Variants in CACNA1I observed in about 807,000 individuals in gnomAD.
CACNA1I encodes the protein calcium voltage-gated channel subunit alpha1 I.
Under a neutral mutation model 201.6 loss-of-function variants are expected in CACNA1I, and 74 were observed. That is an observed-to-expected ratio of 0.37 (90% CI 0.30 to 0.45). CACNA1I has a LOEUF of 0.45. Ranked by LOEUF, CACNA1I falls within the 20% of genes least tolerant of loss-of-function variation. The pLI is 1.00. For missense variants in CACNA1I, 2,346 were observed against 3,138.1 expected (o/e 0.75, Z 6.03); for synonymous variants, 1,431 against 1,345.2 (o/e 1.06, Z -1.40).
rs1323613574 is a variant in CACNA1I, at chr22:39,675,479, C to CAGCCTCCAGCAGG, written c.4854+1449_4854+1461dup. 8.5e-5 allele frequency among the ~76,000 whole-genome samples: 13 copies of CAGCCTCCAGCAGG among 152,288 alleles called. No homozygotes were observed. The East Asian group carries it at 2.3e-3, about 27-fold the overall frequency. ...GCACATGGAGATGTTCAGGACATCCCAGCCTCCAGCAGGAGACCCAAGGTA... is the reference window on the plus strand; with the variant it reads ...GCACATGGAGATGTTCAGGACATCCCAGCCTCCAGCAGGAGCCTCCAGCAGGAGACCCAAGGTA... On this transcript the variant is annotated intron_variant, in intron 29 of 36. Coordinates refer to ENST00000402142, the MANE Select transcript of CACNA1I (RefSeq NM_021096.4).
chr22:39,673,080 G>C lies in CACNA1I; in HGVS notation c.4781G>C (p.Arg1594Pro). The change falls in exon 28 of 37, where the codon CGA becomes CCA. Residue 1594 changes from arginine to proline, a missense_variant and splice_region_variant. Physicochemically the swap from Arg to Pro is moderately radical, Grantham distance 103 (BLOSUM62 -2). Coordinates refer to ENST00000402142, the MANE Select transcript of CACNA1I (RefSeq NM_021096.4). ...ATCATGAGGGTTCTGCGCATTGCCCGAGGTGAGGGGCAAGGGGTGGGACAG... is the reference window on the plus strand; with the variant it reads ...ATCATGAGGGTTCTGCGCATTGCCCCAGGTGAGGGGCAAGGGGTGGGACAG... The part of the protein sequence containing the change: ...IRIMRVLRIA[R>P]VLKLLKMATG... 6.2e-7 allele frequency: 1 copy of C among 1,612,468 alleles called. No homozygotes were observed.
chr22:39,677,865 C>T lies in CACNA1I; in HGVS notation c.4934-122C>T. ...CCTCAGTTTATCTGTGGGCTGGGCA[C>T]AGTCTGCAGGCCCCTCCTAGGGTGT... On this transcript the variant is annotated intron_variant, in intron 30 of 36. Coordinates refer to ENST00000402142, the MANE Select transcript of CACNA1I (RefSeq NM_021096.4). The surrounding 1 kb of genome is among the most constrained non-coding windows in gnomAD (Gnocchi z 4.8). 4.4e-6 allele frequency: 5 copies of T among 1,138,904 alleles called. No individual in the cohort carries two copies. The highest frequency in any genetic ancestry group is 6.1e-6 in the Non-Finnish European group (5 of 824,974). The allele number at this position is 1,138,904 out of a possible 1,614,324, so 70.5% of individuals were successfully genotyped here. A position where few individuals can be genotyped will look rare whatever the true frequency, so the allele number is the denominator to read the frequency against.
chr22:39,677,264 C>T lies in CACNA1I; in HGVS notation c.4855-77C>T. 1 of 988,360 alleles carries T rather than the reference C, an allele frequency of 1.0e-6. No homozygotes were observed. Among genetic ancestry groups the T allele is most frequent in the Non-Finnish European group, 1.5e-6 (1 of 653,432 alleles). 61.2% of individuals were successfully genotyped at this position (988,360 alleles called of 1,614,324 possible). Reference sequence around the variant, plus strand: ...CACAGGCTGCCCAACCCCACTGCCCCAGCCTCCACCCTTCCCAGGCCTGGT... The same window carrying T: ...CACAGGCTGCCCAACCCCACTGCCCTAGCCTCCACCCTTCCCAGGCCTGGT... On this transcript the variant is annotated intron_variant, in intron 29 of 36. Coordinates refer to ENST00000402142, the MANE Select transcript of CACNA1I (RefSeq NM_021096.4). The surrounding 1 kb of genome is among the most constrained non-coding windows in gnomAD (Gnocchi z 4.8).
chr22:39,598,882 G>C (rs974829574), intron 2 of CACNA1I, among the ~76,000 whole-genome samples: 1 of 150,906 alleles, frequency 6.6e-6, no homozygotes, highest in East Asian at 1.9e-4. Flanking sequence ...GGAAACACTC[G>C]GTGCAACTCC....
At chr22:39,647,715 A>G in intron 8 of CACNA1I, 107 bp from the exon 9 acceptor site, 1 of 804,112 alleles carries the variant, frequency 1.2e-6, no homozygotes, top group East Asian at 2.5e-5. Context: ...CCCCTGGCCA[A>G]GTTTATGCTT....
intron 2 of CACNA1I, among the ~76,000 whole-genome samples, chr22:39,600,157 A>G (rs1932993111): frequency 6.6e-6 from 1 of 152,080 alleles, no homozygotes; most frequent in Admixed American, 6.5e-5. Flanking sequence ...GAATTAGGAG[A>G]GAGAATGGGG....
chr22:39,584,002 G>A (rs1385235606), intron 1 of CACNA1I, among the ~76,000 whole-genome samples: 2 of 152,228 alleles, frequency 1.3e-5, no homozygotes, highest in Non-Finnish European at 2.9e-5. Flanking sequence ...CAAGAGTGCT[G>A]TCACAGAGGG....
intron 11 of CACNA1I, 59 bp from the exon 12 acceptor site, chr22:39,658,872 C>T: frequency 7.0e-7 from 1 of 1,427,218 alleles, no homozygotes; most frequent in Non-Finnish European, 9.6e-7. Context: ...CTTCCTCTCC[C>T]CCTGGCCTCC....
chr22:39,572,107 AG>A (rs1275047897), intron 1 of CACNA1I, among the ~76,000 whole-genome samples: 3 of 152,102 alleles, frequency 2.0e-5, no homozygotes, highest in Admixed American at 2.0e-4. Context: ...GGAGCCCTGC[AG>A]GGCCTTGGAG....
chr22:39,612,005 A>G (rs912862373), intron 3 of CACNA1I, among the ~76,000 whole-genome samples: 34 of 152,260 alleles, frequency 2.2e-4, no homozygotes, highest in African/African-American at 8.2e-4. Context: ...TGTTGTTTGA[A>G]TGTGTCTCCC....
In CACNA1I at chr22:39,602,018, C is replaced by T. The variant is rs71321163; in HGVS notation, c.482+1365C>T. On this transcript the variant is annotated intron_variant, in intron 3 of 36. Coordinates refer to ENST00000402142, the MANE Select transcript of CACNA1I (RefSeq NM_021096.4). ...CTTCCTTCCCTCCTTCCTTCCTTCC[C>T]TCCTTCCTTCCTTCTCTCTCTCTTT... Among the ~76,000 whole-genome samples, 25 of 3,750 alleles carry T rather than the reference C, an allele frequency of 6.7e-3. 1 individual carries two copies. Among genetic ancestry groups the T allele is most frequent in the Non-Finnish European group, 0.011 (21 of 1,906 alleles). The allele number at this position is 3,750 out of a possible 152,430, so 2.5% of individuals were successfully genotyped here. A position where few individuals can be genotyped will look rare whatever the true frequency, so the allele number is the denominator to read the frequency against.
chr22:39,651,618 G>A (rs562575776), intron 10 of CACNA1I, among the ~76,000 whole-genome samples: 3 of 152,266 alleles, frequency 2.0e-5, no homozygotes, highest in East Asian at 1.9e-4. Context: ...TGTGGGGCTC[G>A]CTCCAGTCTC....
In CACNA1I at chr22:39,665,005, G is replaced by C; in HGVS notation, c.3851+82G>C. The C allele has an allele frequency of 7.9e-7, 1 of 1,270,668 alleles. No homozygotes were observed. The highest frequency in any genetic ancestry group is 1.1e-6 in the Non-Finnish European group (1 of 910,034). The allele number at this position is 1,270,668 out of a possible 1,614,324, so 78.7% of individuals were successfully genotyped here. A position where few individuals can be genotyped will look rare whatever the true frequency, so the allele number is the denominator to read the frequency against. The stretch of plus-strand genomic sequence containing the variant: ...ACGGGTCGAATTGGGCCCTCACTCC[G>C]CCCTCCCCGCCCGCCCACTCGGTCC... On this transcript the variant is annotated intron_variant, in intron 21 of 36. Coordinates refer to ENST00000402142, the MANE Select transcript of CACNA1I (RefSeq NM_021096.4). The surrounding 1 kb of genome is among the most constrained non-coding windows in gnomAD (Gnocchi z 5.5).
In CACNA1I at chr22:39,602,744, T is replaced by G. The variant is rs146212567; in HGVS notation, c.482+2091T>G. Reference sequence around the variant, plus strand: ...AGTCCAGTACAGATCTGGTTCCTCTTTCTCGGAAGATGACCTTCTTTTTCC... The same window carrying G: ...AGTCCAGTACAGATCTGGTTCCTCTGTCTCGGAAGATGACCTTCTTTTTCC... On this transcript the variant is annotated intron_variant, in intron 3 of 36. Transcript: ENST00000402142. Among the ~76,000 whole-genome samples, 173 of 152,258 alleles carry G rather than the reference T, an allele frequency of 1.1e-3. 6 individuals are homozygous for G. In the East Asian group the frequency reaches 0.017, roughly 15 times the overall value.
At chr22:39,678,203 C>A in intron 31 of CACNA1I, 95 bp downstream of exon 31, 1 of 1,425,178 alleles carries the variant, frequency 7.0e-7, no homozygotes, top group Non-Finnish European at 9.5e-7. Flanking sequence ...ACCCAGGGCC[C>A]CACCACACAT....
At chr22:39,680,321 G>A (rs1409118857) in intron 33 of CACNA1I, among the ~76,000 whole-genome samples, 2 of 152,196 alleles carry the variant, frequency 1.3e-5, no homozygotes, top group East Asian at 1.9e-4. Flanking sequence ...CCATGGGCCT[G>A]CCTCCAGAGC....
rs59581047 is a variant in CACNA1I at position 39,672,317 on chromosome 22, C to G, written c.4649+9C>G. On this transcript the variant is annotated intron_variant, in intron 27 of 36. Coordinates refer to ENST00000402142, the MANE Select transcript of CACNA1I (RefSeq NM_021096.4). Reference sequence around the variant, plus strand: ...CGCTTCTTCAAGGACCGGTGAGTGGCCAGGCTGGATTAGGGCAGTAATAGG... The same window carrying G: ...CGCTTCTTCAAGGACCGGTGAGTGGGCAGGCTGGATTAGGGCAGTAATAGG... 218 of 1,580,276 alleles carry G rather than the reference C, an allele frequency of 1.4e-4. No individual in the cohort carries two copies. Among genetic ancestry groups the G allele is most frequent in the Admixed American group, 9.8e-4 (59 of 59,968 alleles).
Position 39,676,802 on chromosome 22 carries a change from G to T in CACNA1I, c.4855-539G>T, listed in dbSNP as rs1319826467. Among the ~76,000 whole-genome samples, 1 of 152,228 alleles carries T rather than the reference G, an allele frequency of 6.6e-6. No homozygotes were observed. The highest frequency in any genetic ancestry group is 1.5e-5 in the Non-Finnish European group (1 of 68,042). On this transcript the variant is annotated intron_variant, in intron 29 of 36. Transcript: ENST00000402142. The surrounding 1 kb of genome is among the most constrained non-coding windows in gnomAD (Gnocchi z 4.8). ...TGACAGGGATAAGTGCATTTCGGTGGTTTCGTAGAGGAGCTAGTGTTAGAG... is the reference window on the plus strand; with the variant it reads ...TGACAGGGATAAGTGCATTTCGGTGTTTTCGTAGAGGAGCTAGTGTTAGAG...
intron 28 of CACNA1I, among the ~76,000 whole-genome samples, chr22:39,673,702 C>T (rs1017620742): frequency 3.3e-5 from 5 of 152,182 alleles, no homozygotes; most frequent in African/African-American, 9.7e-5. Flanking sequence ...ACTTCATAGA[C>T]CTCAGTTTCC....
Sources: allele counts gnomAD v4.1 joint callset (sites outside exome capture counted in the v4.1 genomes callset), GRCh38; gene constraint gnomAD v4.1.1; non-coding constraint Gnocchi (gnomAD v3.1); transcripts MANE v1.5; gene names NCBI Gene and HGNC (gene_info 2026-07-23, HGNC 2026-07-21).